Variants in TP73 observed in about 807,000 individuals in gnomAD.
The protein encoded by TP73 is p53-like transcription factor.
In TP73, 25 loss-of-function variants were observed where a neutral mutation model predicts 62.5. That is an observed-to-expected ratio of 0.40 (90% CI 0.29 to 0.56). TP73 has a LOEUF of 0.56. TP73 is among the 20% of genes least tolerant of loss of function. The probability of loss-of-function intolerance (pLI) is 0.46; values close to 1 mark genes in which losing one functional copy is unlikely to be tolerated. For missense variants in TP73, 754 were observed against 913.3 expected, an observed-to-expected ratio of 0.83 and a Z score of 2.25; for synonymous variants, 423 against 377.5, an observed-to-expected ratio of 1.12 and a Z score of -1.40.
At chr1:3,691,277 G>A (rs1291302991) in intron 3 of TP73, among the ~76,000 whole-genome samples, 3 of 152,176 alleles carry the variant, frequency 2.0e-5, no homozygotes, top group Non-Finnish European at 2.9e-5. Flanking sequence ...TGGGGCTGGC[G>A]GCTTGGTCCA....
chr1:3,721,835 C>A (rs1430613052), intron 4 of TP73, among the ~76,000 whole-genome samples, 186 bp from the exon 5 acceptor site: 1 of 152,148 alleles, frequency 6.6e-6, no homozygotes, highest in African/African-American at 2.4e-5. Flanking sequence ...GGCAGCTGTG[C>A]CTGGATTCAC....
At chr1:3,682,020 T>G (rs547297091) in intron 1 of TP73, among the ~76,000 whole-genome samples, 3 of 152,088 alleles carry the variant, frequency 2.0e-5, no homozygotes, top group Non-Finnish European at 4.4e-5. Flanking sequence ...CAGGAGCGGG[T>G]GTTGCTGTCA....
Position 3,696,644 on chromosome 1 carries a change from C to A in TP73, c.187-10905C>A, listed in dbSNP as rs555928183. 1.1e-3 allele frequency among the ~76,000 whole-genome samples: 165 copies of A among 152,154 alleles called. No homozygotes were observed. Among genetic ancestry groups the A allele is most frequent in the Middle Eastern group, 6.8e-3 (2 of 292 alleles). On this transcript the variant is annotated intron_variant, in intron 3 of 13. Transcript: ENST00000378295. This position sits in a 1 kb window ranked among gnomAD's most constrained non-coding sequence, Gnocchi z 4.1. Reference sequence around the variant, plus strand: ...GGACTGGGGCTTGGCAACCCAGAGGCTGCTGAGTTCCCACGGTTTGGAGAG... The same window carrying A: ...GGACTGGGGCTTGGCAACCCAGAGGATGCTGAGTTCCCACGGTTTGGAGAG...
chr1:3,672,772 A>T lies in TP73; in HGVS notation c.-33-9561A>T, dbSNP rs1048572189. Among the ~76,000 whole-genome samples the T allele has an allele frequency of 2.0e-5, 3 of 151,902 alleles. No homozygotes were observed. The highest frequency in any genetic ancestry group is 4.4e-5 in the Non-Finnish European group (3 of 67,930). Reference sequence around the variant, plus strand: ...AAGCTCAGCGCCCCAGTTCCCTGACAGGGCCCCACTTCCCTCCTGCCGCCA... The same window carrying T: ...AAGCTCAGCGCCCCAGTTCCCTGACTGGGCCCCACTTCCCTCCTGCCGCCA... On this transcript the variant is annotated intron_variant, in intron 1 of 13. Coordinates refer to ENST00000378295, the MANE Select transcript of TP73 (RefSeq NM_005427.4). This position sits in a 1 kb window ranked among gnomAD's most constrained non-coding sequence, Gnocchi z 5.3.
intron 4 of TP73, among the ~76,000 whole-genome samples, chr1:3,715,580 G>A (rs917501579): frequency 7.2e-5 from 11 of 152,162 alleles, no homozygotes; most frequent in South Asian, 4.1e-4. Flanking sequence ...AGGGCCCCGC[G>A]CAGGGCAGGC....
intron 3 of TP73, among the ~76,000 whole-genome samples, chr1:3,688,803 G>T (rs1645732198): frequency 6.6e-6 from 1 of 152,190 alleles, no homozygotes; most frequent in African/African-American, 2.4e-5. Flanking sequence ...AGAGATGCGG[G>T]GTCTCAGGCA....
At chr1:3,714,691 G>A (rs568610769) in intron 4 of TP73, among the ~76,000 whole-genome samples, 37 of 152,390 alleles carry the variant, frequency 2.4e-4, no homozygotes, top group African/African-American at 6.7e-4. Flanking sequence ...AGGACCCTGC[G>A]CTTGGTCCCG....
At position 3,707,595 on chromosome 1, in the gene TP73, G is replaced by C. The variant is rs199504447; in HGVS notation, c.233G>C (p.Arg78Pro). 2 of 1,612,326 alleles carry C rather than the reference G, an allele frequency of 1.2e-6. No homozygotes were observed. Among genetic ancestry groups the C allele is most frequent in the Admixed American group, 3.3e-5 (2 of 59,976 alleles). ...LSSTMDQMSS[R>P]AASASPYTPE... Reference sequence around the variant, plus strand: ...AGCACCATGGACCAGATGAGCAGCCGCGCGGCCTCGGCCAGCCCCTACACC... The same window carrying C: ...AGCACCATGGACCAGATGAGCAGCCCCGCGGCCTCGGCCAGCCCCTACACC... Residue 78 changes from arginine (R) to proline (P), a missense_variant, in exon 4 of 14, where the codon CGC becomes CCC. Physicochemically the swap from Arg to Pro is moderately radical, Grantham distance 103. Transcript: ENST00000378295.
chr1:3,675,803 G>A (rs896349328), intron 1 of TP73, among the ~76,000 whole-genome samples: 9 of 152,184 alleles, frequency 5.9e-5, no homozygotes, highest in Non-Finnish European at 1.3e-4. Flanking sequence ...CCAGGCCTGG[G>A]CAGAGGTGGA....
At chr1:3,715,590 C>T (rs1414614441) in intron 4 of TP73, among the ~76,000 whole-genome samples, 1 of 152,080 alleles carries the variant, frequency 6.6e-6, no homozygotes, top group Non-Finnish European at 1.5e-5. Context: ...GCAGGGCAGG[C>T]ACCAGTGGGC....
chr1:3,728,205 G>T lies in TP73; in HGVS notation c.1062G>T (p.Thr354=), dbSNP rs555576629. The T allele has an allele frequency of 1.5e-5, 24 of 1,611,732 alleles. No individual in the cohort carries two copies. In the African/African-American group the frequency reaches 2.9e-4, roughly 20 times the overall value. ...AGCGGCGGCATGGAGACGAGGACAC[G>T]TACTACCTTCAGGTGAGTGTGTGCT... is the stretch of plus-strand genomic sequence containing the variant. The part of the protein sequence containing the change: ...VKKRRHGDED[T]YYLQVRGREN... The change falls in exon 9 of 14, where the codon ACG becomes ACT. Residue 354 remains threonine (T), a synonymous_variant. Transcript: ENST00000378295.
chr1:3,665,132 C>T (rs1282651512), intron 1 of TP73, among the ~76,000 whole-genome samples: 2 of 152,210 alleles, frequency 1.3e-5, no homozygotes, highest in East Asian at 3.8e-4. Flanking sequence ...TGCATCATGA[C>T]TACCAACCAG....
intron 3 of TP73, among the ~76,000 whole-genome samples, chr1:3,707,199 G>A (rs1228640689): frequency 6.6e-6 from 1 of 152,150 alleles, no homozygotes; most frequent in Non-Finnish European, 1.5e-5. Context: ...AGACCCCGAT[G>A]CCGCCCGGAG....
At chr1:3,726,913 GGATGGACGGATGGA>G (rs1641693500) in intron 6 of TP73, among the ~76,000 whole-genome samples, 188 bp from the exon 7 acceptor site, 1 of 148,502 alleles carries the variant, frequency 6.7e-6, no homozygotes, top group Non-Finnish European at 1.5e-5. Flanking sequence ...ATGGATGGAT[GGATGGACGGATGGA>G]TGGATGGATG....
At chr1:3,729,881 C>T in intron 10 of TP73, 119 bp from the exon 11 acceptor site, 1 of 1,367,886 alleles carries the variant, frequency 7.3e-7, no homozygotes, top group Non-Finnish European at 9.8e-7. Flanking sequence ...GAGGATGAAG[C>T]CACTCTCTGA....
chr1:3,680,393 A>G (rs1484805491), intron 1 of TP73, among the ~76,000 whole-genome samples: 2 of 152,108 alleles, frequency 1.3e-5, no homozygotes, highest in African/African-American at 4.8e-5. Flanking sequence ...CCTGCTGTGG[A>G]TGGCAAGTCC....
At chr1:3,682,957 C>A in intron 2 of TP73, 103 bp from the exon 3 acceptor site, 1 of 1,465,214 alleles carries the variant, frequency 6.8e-7, no homozygotes, top group Non-Finnish European at 9.2e-7. Flanking sequence ...AGACGTAGGC[C>A]TCACCAGGAG....
chr1:3,657,845 C>G (rs1644898681), intron 1 of TP73, among the ~76,000 whole-genome samples: 1 of 152,228 alleles, frequency 6.6e-6, no homozygotes, highest in South Asian at 2.1e-4. Flanking sequence ...GTTCCACACA[C>G]TCCAGCAGCT....
intron 1 of TP73, among the ~76,000 whole-genome samples, chr1:3,658,301 C>T (rs907844114): frequency 1.3e-5 from 2 of 152,182 alleles, no homozygotes; most frequent in African/African-American, 4.8e-5. Flanking sequence ...CTCTTCCCTA[C>T]GGGGTTCTTG....
Sources: gnomAD v4.1 joint callset for allele counts (sites outside exome capture counted in the v4.1 genomes callset) on GRCh38, gnomAD v4.1.1 for gene constraint, Gnocchi (gnomAD v3.1) non-coding constraint, MANE v1.5 for transcripts, NCBI Gene and HGNC (gene_info 2026-07-23, HGNC 2026-07-21) for gene names.